The following PTPRT variants were observed in gnomAD, a reference collection of about 807,000 sequenced individuals.
PTPRT encodes the protein protein tyrosine phosphatase receptor type T.
PTPRT carries 56 observed loss-of-function variants against 176.8 expected under a neutral mutation model. The observed-to-expected ratio is 0.32, with a 90% confidence interval of 0.26 to 0.40. The LOEUF (loss-of-function observed/expected upper bound fraction) is 0.40, where lower values mean the gene tolerates loss of function less well. Ranked by LOEUF, PTPRT falls within the 10% of genes least tolerant of loss-of-function variation. PTPRT has a pLI of 1.00. For synonymous variants in PTPRT, 783 were observed against 739.0 expected (o/e 1.06, Z -0.96); for missense variants, 1,540 against 1,908.2 (o/e 0.81, Z 3.60).
At chr20:42,039,692 G>GTATA in the PTPRT span, among the ~76,000 whole-genome samples, 9 of 113,204 alleles carry the variant, frequency 8.0e-5, no homozygotes, top group East Asian at 2.5e-4. Context: ...ATTCTGTTGT[G>GTATA]TATATATATA....
chr20:43,068,362 G>A lies in PTPRT; in HGVS notation c.88+121284C>T, dbSNP rs367827872. ...TACTAAAAACACTAAAAAATTAGCC[G>A]GGCATGGTGGCGGGGAACCTGTAGT... On this transcript the variant is annotated intron_variant, in intron 1 of 30. Transcript: ENST00000373187. Among the ~76,000 whole-genome samples, 34 of 151,354 alleles carry A rather than the reference G, an allele frequency of 2.2e-4. No homozygotes were observed. In the South Asian group the frequency reaches 5.5e-3, roughly 24 times the overall value.
Position 42,098,534 on chromosome 20 carries a change from C to A in PTPRT, c.3733G>T (p.Ala1245Ser). ...ALMDSHKQPA[A>S]FVVTQHPLPN... ...AGAGGGTGCTGGGTGACCACGAAGG[C>A]GGCAGGCTGCTTGTGGCTCTGACAA... Residue 1245 changes from alanine (A) to serine (S), a missense_variant, in exon 27 of 31, where the codon GCC (alanine) becomes TCC (serine). Around this residue, in one of 11 missense-constraint regions of PTPRT, gnomAD observed 342 missense variants for 394.0 expected, o/e 0.87. Coordinates refer to ENST00000373187, the MANE Select transcript of PTPRT (RefSeq NM_007050.6). 1.2e-6 allele frequency: 2 copies of A among 1,614,094 alleles called. No homozygotes were observed.
At chr20:42,066,500 T>C in the PTPRT span, among the ~76,000 whole-genome samples, 1 of 152,170 alleles carries the variant, frequency 6.6e-6, no homozygotes, top group Non-Finnish European at 1.5e-5. Flanking sequence ...AATTTCTTCA[T>C]AATATTCATA....
intron 1 of PTPRT, among the ~76,000 whole-genome samples, chr20:42,993,113 C>A (rs774558017): frequency 2.0e-5 from 3 of 151,966 alleles, no homozygotes. Context: ...GAAAAGCACA[C>A]GGAACAGAAA....
chr20:42,388,599 T>A (rs992168375), intron 9 of PTPRT, among the ~76,000 whole-genome samples: 3 of 152,166 alleles, frequency 2.0e-5, no homozygotes, highest in African/African-American at 7.2e-5. Context: ...CCAGTTAGAA[T>A]GGCGATTATT....
intron 7 of PTPRT, among the ~76,000 whole-genome samples, chr20:42,557,771 G>A (rs747293791): frequency 3.9e-5 from 6 of 152,152 alleles, no homozygotes; most frequent in East Asian, 1.9e-4. Flanking sequence ...AACTGGAAAT[G>A]TGTACCTCAC....
chr20:42,423,986 C>T (rs978456), intron 9 of PTPRT, among the ~76,000 whole-genome samples: 102,734 of 152,034 alleles, frequency 0.68, 34,975 homozygotes, highest in East Asian at 0.77. Context: ...TCTGTTACTA[C>T]ATTTTATAAA....
chr20:42,348,896 T>C (rs1442440646), intron 11 of PTPRT, among the ~76,000 whole-genome samples: 1 of 152,164 alleles, frequency 6.6e-6, no homozygotes, highest in African/African-American at 2.4e-5. Context: ...TCCCTCCTCA[T>C]AATTTGTTGA....
intron 7 of PTPRT, among the ~76,000 whole-genome samples, chr20:42,557,920 C>A (rs2072888092): frequency 6.6e-6 from 1 of 152,140 alleles, no homozygotes; most frequent in East Asian, 1.9e-4. Context: ...TAGAAATATT[C>A]TTTCAGTTAA....
chr20:43,089,706 G>A (rs535058866), intron 1 of PTPRT, among the ~76,000 whole-genome samples: 1 of 152,328 alleles, frequency 6.6e-6, no homozygotes, highest in South Asian at 2.1e-4. Flanking sequence ...ACAGATACCA[G>A]GAGTTGGAGG....
intron 1 of PTPRT, among the ~76,000 whole-genome samples, chr20:42,975,077 A>G (rs530666361): frequency 6.6e-6 from 1 of 152,366 alleles, no homozygotes; most frequent in African/African-American, 2.4e-5. Flanking sequence ...CATTCTGAAC[A>G]AGGAAATAAT....
At chr20:42,660,123 A>G (rs753150482) in intron 7 of PTPRT, among the ~76,000 whole-genome samples, 5 of 152,214 alleles carry the variant, frequency 3.3e-5, no homozygotes, top group Non-Finnish European at 7.3e-5. Flanking sequence ...GGAAGATTGT[A>G]CTGTAAAGGC....
intron 3 of PTPRT, among the ~76,000 whole-genome samples, chr20:42,787,106 A>G (rs1016669134): frequency 4.6e-5 from 7 of 152,234 alleles, no homozygotes; most frequent in African/African-American, 1.7e-4. Flanking sequence ...TATGGCTTGT[A>G]AAGACAAAAA....
At chr20:43,028,863 T>A (rs1331934126) in intron 1 of PTPRT, among the ~76,000 whole-genome samples, 2 of 152,024 alleles carry the variant, frequency 1.3e-5, no homozygotes, top group Non-Finnish European at 2.9e-5. Flanking sequence ...ATAAGTGAAA[T>A]GGAACAACAG....
At chr20:42,112,727 A>G (rs1987069610) in intron 22 of PTPRT, among the ~76,000 whole-genome samples, 1 of 152,008 alleles carries the variant, frequency 6.6e-6, no homozygotes, top group Non-Finnish European at 1.5e-5. Flanking sequence ...CCCTAAACAC[A>G]TGAGCCAGGG....
At chr20:43,099,945 C>A (rs577188479) in intron 1 of PTPRT, among the ~76,000 whole-genome samples, 9 of 152,280 alleles carry the variant, frequency 5.9e-5, no homozygotes, top group Admixed American at 3.3e-4. Context: ...CCACAGACCT[C>A]ACATGGTACC....
intron 6 of PTPRT, among the ~76,000 whole-genome samples, chr20:42,730,849 G>T (rs1374490752): frequency 6.6e-6 from 1 of 152,282 alleles, no homozygotes; most frequent in East Asian, 1.9e-4. Context: ...CCAGCTCCTG[G>T]GTTCTCCCAC....
At chr20:42,053,625 G>A in the PTPRT span, among the ~76,000 whole-genome samples, 2 of 152,192 alleles carry the variant, frequency 1.3e-5, no homozygotes. Flanking sequence ...TGGAGCTGCT[G>A]GAGTGGACAT....
chr20:43,012,725 C>T (rs1330494839), intron 1 of PTPRT, among the ~76,000 whole-genome samples: 1 of 152,102 alleles, frequency 6.6e-6, no homozygotes, highest in Non-Finnish European at 1.5e-5. Flanking sequence ...TCTACCCTCG[C>T]CCTGGGGAGT....
Sources: allele counts gnomAD v4.1 joint callset (sites outside exome capture counted in the v4.1 genomes callset), GRCh38; gene constraint gnomAD v4.1.1; regional missense constraint gnomAD v4.1.1; transcripts MANE v1.5; gene names NCBI Gene and HGNC (gene_info 2026-07-23, HGNC 2026-07-21).